PDE1C: variants seen among roughly 807,000 people sequenced by gnomAD.
The protein encoded by PDE1C is phosphodiesterase 1C.
PDE1C carries 62 observed loss-of-function variants against 93.1 expected under a neutral mutation model. The ratio of observed to expected loss-of-function variants is 0.67; its 90% CI spans 0.54 to 0.82. PDE1C has a LOEUF of 0.82. Ranked by LOEUF, PDE1C falls within the 40% of genes least tolerant of loss-of-function variation. The pLI is 0.00. For missense variants in PDE1C, 742 were observed against 884.6 expected (o/e 0.84, Z 2.04); for synonymous variants, 325 against 310.1 (o/e 1.05, Z -0.50).
the PDE1C span, among the ~76,000 whole-genome samples, chr7:31,726,376 T>A: frequency 6.6e-6 from 1 of 152,174 alleles, no homozygotes; most frequent in Admixed American, 6.5e-5. Context: ...CTCTTAATAT[T>A]GTACTTTTGT....
At chr7:31,982,626 T>C (rs975320476) in intron 2 of PDE1C, among the ~76,000 whole-genome samples, 3 of 151,748 alleles carry the variant, frequency 2.0e-5, no homozygotes, top group Admixed American at 6.6e-5. Context: ...CCAAAACCAA[T>C]AGGTTTTGAA....
intron 17 of PDE1C, among the ~76,000 whole-genome samples, chr7:31,770,803 T>C (rs1182242879): frequency 6.6e-6 from 1 of 152,174 alleles, no homozygotes; most frequent in East Asian, 1.9e-4. Flanking sequence ...AGCCGTTTCC[T>C]TCTAAGATTT....
At chr7:31,625,185 C>G in the PDE1C span, among the ~76,000 whole-genome samples, 1 of 152,074 alleles carries the variant, frequency 6.6e-6, no homozygotes, top group Admixed American at 6.6e-5. Flanking sequence ...GGACTGTAAA[C>G]TAGTTCAACC....
chr7:31,889,983 C>T (rs1010697943), intron 2 of PDE1C, among the ~76,000 whole-genome samples: 5 of 149,106 alleles, frequency 3.4e-5, no homozygotes, highest in South Asian at 2.1e-4. Flanking sequence ...AAGGACATAG[C>T]GGATTTTTTT....
At chr7:32,197,307 G>A (rs1253017141) in intron 2 of PDE1C, among the ~76,000 whole-genome samples, 2 of 151,702 alleles carry the variant, frequency 1.3e-5, no homozygotes, top group East Asian at 3.9e-4. Flanking sequence ...CATGTGTAGA[G>A]GAGGATTTAG....
intron 3 of PDE1C, among the ~76,000 whole-genome samples, chr7:32,079,239 ACAATGGT>A (rs146003889): frequency 0.035 from 5,308 of 152,318 alleles, 113 homozygotes; most frequent in Middle Eastern, 0.071. Context: ...TACTAGGTAT[ACAATGGT>A]CAATTAAAAT....
chr7:32,226,366 C>A (rs1807271680), intron 1 of PDE1C, among the ~76,000 whole-genome samples: 1 of 152,230 alleles, frequency 6.6e-6, no homozygotes, highest in Non-Finnish European at 1.5e-5. Context: ...GACTTCCTGA[C>A]ACACTGTGAA....
intron 13 of PDE1C, among the ~76,000 whole-genome samples, chr7:31,824,589 C>G (rs1426603724): frequency 6.6e-6 from 1 of 152,068 alleles, no homozygotes; most frequent in Non-Finnish European, 1.5e-5. Context: ...TGTCTGGGCA[C>G]AGCAGGTAAA....
intron 2 of PDE1C, among the ~76,000 whole-genome samples, chr7:32,197,048 T>A (rs1270250742): frequency 1.3e-5 from 2 of 152,222 alleles, no homozygotes; most frequent in Non-Finnish European, 2.9e-5. Context: ...TTTTGGTTAA[T>A]AAATAAGTTT....
intron 3 of PDE1C, among the ~76,000 whole-genome samples, chr7:32,099,705 AC>A (rs1442903413): frequency 6.6e-6 from 1 of 152,126 alleles, no homozygotes; most frequent in Admixed American, 6.5e-5. Flanking sequence ...CATCACTCTT[AC>A]GTTTCCTAGA....
the PDE1C span, among the ~76,000 whole-genome samples, chr7:31,637,776 A>G: frequency 1.3e-5 from 2 of 152,136 alleles, no homozygotes; most frequent in Non-Finnish European, 2.9e-5. Context: ...TTTTGTTGCC[A>G]TTGCTTTTAG....
At chr7:31,617,004 G>A in the PDE1C span, among the ~76,000 whole-genome samples, 1 of 152,042 alleles carries the variant, frequency 6.6e-6, no homozygotes. Flanking sequence ...TATTCCAAGT[G>A]CATTCTTCTT....
At chr7:31,768,559 A>T (rs1795284644) in intron 17 of PDE1C, among the ~76,000 whole-genome samples, 1 of 152,204 alleles carries the variant, frequency 6.6e-6, no homozygotes, top group Admixed American at 6.5e-5. Flanking sequence ...TACAAAAATT[A>T]CGTAGTTCTG....
chr7:32,317,950 T>C (rs1046039556), intron 1 of PDE1C, among the ~76,000 whole-genome samples: 2 of 152,160 alleles, frequency 1.3e-5, no homozygotes, highest in African/African-American at 2.4e-5. Context: ...TCATTTGACA[T>C]AGTCCGTGGA....
intron 16 of PDE1C, among the ~76,000 whole-genome samples, chr7:31,795,814 T>G (rs531841095): frequency 6.6e-6 from 1 of 151,594 alleles, no homozygotes; most frequent in Non-Finnish European, 1.5e-5. Context: ...TTAATAGATA[T>G]TCCCCAAATT....
intron 1 of PDE1C, among the ~76,000 whole-genome samples, chr7:32,365,803 C>T (rs541806852): frequency 3.3e-5 from 5 of 152,286 alleles, no homozygotes; most frequent in Admixed American, 1.3e-4. Flanking sequence ...AATCTCTCAG[C>T]CTAGACCACT....
At chr7:32,294,928 G>T (rs964618667) in intron 1 of PDE1C, among the ~76,000 whole-genome samples, 2 of 152,146 alleles carry the variant, frequency 1.3e-5, no homozygotes, top group Non-Finnish European at 2.9e-5. Flanking sequence ...GCATCAAGGC[G>T]CTTTCAAAGT....
At chr7:31,853,862 A>C (rs1429477595) in intron 7 of PDE1C, among the ~76,000 whole-genome samples, 1 of 146,364 alleles carries the variant, frequency 6.8e-6, no homozygotes, top group Non-Finnish European at 1.5e-5. Context: ...ATAGGCACCC[A>C]CTGCCATGCC....
upstream of PDE1C, among the ~76,000 whole-genome samples, chr7:32,302,475 C>G (rs1457628760): frequency 6.6e-6 from 1 of 152,190 alleles, no homozygotes; most frequent in African/African-American, 2.4e-5. Flanking sequence ...TTACCTACAT[C>G]AGTTCATAGG....
Sources: allele counts gnomAD v4.1 joint callset (sites outside exome capture counted in the v4.1 genomes callset), GRCh38; gene constraint gnomAD v4.1.1; transcripts MANE v1.5; gene names NCBI Gene and HGNC (gene_info 2026-07-23, HGNC 2026-07-21).